The following SCRG1 variants were observed in gnomAD, a reference collection of about 807,000 sequenced individuals.
SCRG1 encodes the protein scrapie-responsive protein 1.
SCRG1 carries 3 observed loss-of-function variants against 7.7 expected under a neutral mutation model. The observed-to-expected ratio is 0.39, with a 90% CI of 0.18 to 1.01. The LOEUF (loss-of-function observed/expected upper bound fraction) is 1.01. Ranked by LOEUF, SCRG1 falls within the 50% of genes least tolerant of loss-of-function variation. The pLI, the probability that SCRG1 is intolerant of heterozygous loss-of-function variation, is 0.36. For missense variants in SCRG1, 110 were observed against 117.2 expected (o/e 0.94, Z 0.28); for synonymous variants, 46 against 41.2 (o/e 1.12, Z -0.44).
At chr4:173,484,540 T>C in the SCRG1 span, among the ~76,000 whole-genome samples, 996 of 82,938 alleles carry the variant, frequency 0.012, 9 homozygotes, top group Non-Finnish European at 0.018. Flanking sequence ...TTATATATTA[T>C]GTATATTTTA....
At chr4:173,513,770 A>G in the SCRG1 span, among the ~76,000 whole-genome samples, 2 of 152,196 alleles carry the variant, frequency 1.3e-5, no homozygotes, top group African/African-American at 2.4e-5. Flanking sequence ...AGCAACCTGC[A>G]TTATTCTAAA....
the SCRG1 span, among the ~76,000 whole-genome samples, chr4:173,484,461 TACATATA>T: frequency 2.1e-5 from 1 of 48,228 alleles, no homozygotes; most frequent in Non-Finnish European, 4.0e-5. Flanking sequence ...ATATATTATA[TACATATA>T]ATATATAATA....
the SCRG1 span, among the ~76,000 whole-genome samples, chr4:173,450,145 C>T: frequency 6.6e-6 from 1 of 152,166 alleles, no homozygotes; most frequent in Middle Eastern, 3.2e-3. Context: ...GCAGGCAACT[C>T]TTCACCAGGT....
intron 2 of SCRG1, chr4:173,389,611 T>C: frequency 5.5e-6 from 1 of 181,628 alleles, no homozygotes; most frequent in Non-Finnish European, 1.2e-5. Flanking sequence ...AGTTTCTGAT[T>C]CAGTAGGTCT....
chr4:173,435,849 C>T, the SCRG1 span, among the ~76,000 whole-genome samples: 4 of 152,124 alleles, frequency 2.6e-5, no homozygotes, highest in Admixed American at 2.0e-4. Context: ...GGACTTTCTG[C>T]TCACAGACAA....
the SCRG1 span, among the ~76,000 whole-genome samples, chr4:173,436,919 G>A: frequency 6.6e-6 from 1 of 152,112 alleles, no homozygotes. Context: ...ACTCATTTAA[G>A]CATCTCCCCA....
intron 2 of SCRG1, among the ~76,000 whole-genome samples, chr4:173,388,919 A>C (rs981368054): frequency 9.2e-5 from 14 of 152,364 alleles, no homozygotes; most frequent in Admixed American, 1.3e-4. Flanking sequence ...ATGGCTTATT[A>C]GAAATATACT....
At chr4:173,430,922 G>C in the SCRG1 span, among the ~76,000 whole-genome samples, 1 of 151,474 alleles carries the variant, frequency 6.6e-6, no homozygotes, top group East Asian at 1.9e-4. Context: ...TTTAGAAAGA[G>C]ACTAGAAAAT....
chr4:173,461,127 C>A, the SCRG1 span, among the ~76,000 whole-genome samples: 4 of 152,220 alleles, frequency 2.6e-5, no homozygotes, highest in Non-Finnish European at 4.4e-5. Flanking sequence ...TCTGGGCCCA[C>A]CCGGGGCCTG....
chr4:173,434,746 G>T, the SCRG1 span, among the ~76,000 whole-genome samples: 1 of 152,150 alleles, frequency 6.6e-6, no homozygotes, highest in Non-Finnish European at 1.5e-5. Context: ...CAGGAGAATT[G>T]CTCGAACCTG....
chr4:173,507,129 G>A, the SCRG1 span, among the ~76,000 whole-genome samples: 3 of 152,218 alleles, frequency 2.0e-5, no homozygotes, highest in Non-Finnish European at 4.4e-5. This position sits in a 1 kb window ranked among gnomAD's most constrained non-coding sequence, Gnocchi z 4.4. Flanking sequence ...GGAAGGCCGC[G>A]AGATGGTGCT....
the SCRG1 span, among the ~76,000 whole-genome samples, chr4:173,460,213 G>A: frequency 2.6e-5 from 4 of 152,056 alleles, no homozygotes; most frequent in East Asian, 1.9e-4. Flanking sequence ...GTCCTGAATC[G>A]CCACTGAATT....
the SCRG1 span, among the ~76,000 whole-genome samples, chr4:173,465,325 T>G: frequency 1.3e-5 from 2 of 152,170 alleles, no homozygotes; most frequent in East Asian, 3.9e-4. Flanking sequence ...ACCTTCCCTT[T>G]TTTCCAGATG....
the SCRG1 span, among the ~76,000 whole-genome samples, chr4:173,499,844 A>G: frequency 6.6e-6 from 1 of 152,244 alleles, no homozygotes; most frequent in Non-Finnish European, 1.5e-5. The surrounding 1 kb of genome is among the most constrained non-coding windows in gnomAD (Gnocchi z 4.1). Flanking sequence ...GGAGAAAAAT[A>G]CTGAGAAACA....
the SCRG1 span, among the ~76,000 whole-genome samples, chr4:173,460,999 G>A: frequency 1.3e-5 from 2 of 152,210 alleles, no homozygotes; most frequent in Non-Finnish European, 2.9e-5. Flanking sequence ...AGAAAGGGGA[G>A]AGAAGAGTGG....
upstream of SCRG1, among the ~76,000 whole-genome samples, chr4:173,408,737 T>G (rs1739972634): frequency 6.6e-6 from 1 of 152,162 alleles, no homozygotes; most frequent in African/African-American, 2.4e-5. Flanking sequence ...CTCACGCTTG[T>G]AATCCCAGCA....
intron 1 of SCRG1, among the ~76,000 whole-genome samples, chr4:173,393,927 GTCCACTCTGC>G (rs1739519471): frequency 6.6e-6 from 1 of 152,024 alleles, no homozygotes; most frequent in South Asian, 2.1e-4. Context: ...ATATGAAATA[GTCCACTCTGC>G]TTTCTTTTAG....
chr4:173,501,040 C>T, the SCRG1 span, among the ~76,000 whole-genome samples: 6 of 152,186 alleles, frequency 3.9e-5, no homozygotes, highest in African/African-American at 1.2e-4. The surrounding 1 kb of genome is among the most constrained non-coding windows in gnomAD (Gnocchi z 5.1). Context: ...TGGGCAAGAG[C>T]GGGGTGCAAA....
chr4:173,460,858 G>A, the SCRG1 span, among the ~76,000 whole-genome samples: 1 of 152,144 alleles, frequency 6.6e-6, no homozygotes, highest in African/African-American at 2.4e-5. Context: ...TGATTACCAG[G>A]CTAGGCAGCA....
Sources: allele counts gnomAD v4.1 joint callset (sites outside exome capture counted in the v4.1 genomes callset), GRCh38; gene constraint gnomAD v4.1.1; non-coding constraint Gnocchi (gnomAD v3.1); transcripts MANE v1.5; gene names NCBI Gene and HGNC (gene_info 2026-07-23, HGNC 2026-07-21).